BET1L: variants seen among roughly 807,000 people sequenced by gnomAD.
BET1L encodes Bet1 golgi vesicular membrane trafficking protein like, also known as BET1-like protein.
A neutral mutation model predicts 12.6 loss-of-function variants in BET1L; 13 were observed. The observed-to-expected ratio is 1.03, with a 90% CI of 0.67 to 1.64. The LOEUF is 1.64. BET1L is among the 40% of genes most tolerant of loss of function. The pLI, the probability that BET1L is intolerant of heterozygous loss-of-function variation, is 0.00. For synonymous variants in BET1L, 60 were observed against 56.9 expected (o/e 1.05, Z -0.25); for missense variants, 154 against 150.7 (o/e 1.02, Z -0.11).
chr11:205,669 T>A lies in BET1L; in HGVS notation c.112-2A>T. 6.2e-7 allele frequency: 1 copy of A among 1,606,738 alleles called. No individual in the cohort carries two copies. The highest frequency in any genetic ancestry group is 8.5e-7 in the Non-Finnish European group (1 of 1,176,752). Reference sequence around the variant, plus strand: ...ATCCCTATCGATGTCCAGGGCGAGCTGTTCAGCAGACAGAGAGGGCAGGGT... The same window carrying A: ...ATCCCTATCGATGTCCAGGGCGAGCAGTTCAGCAGACAGAGAGGGCAGGGT... On this transcript the variant is annotated splice_acceptor_variant, in intron 2 of 3. Coordinates refer to ENST00000382762, the MANE Select transcript of BET1L (RefSeq NM_001098787.2). LOFTEE classifies it high-confidence loss of function.
At position 203,747 on chromosome 11, in the gene BET1L, G is replaced by C. The variant is rs1467901234; in HGVS notation, c.*1555C>G. ...AAGACCAGCCCAGCTAGGTTTCAGG[G>C]CAACAGCAAAGCCCCAGAGACATGG... is the stretch of plus-strand genomic sequence containing the variant. On this transcript the variant is annotated 3_prime_UTR_variant, in exon 4 of 4. Coordinates refer to ENST00000382762, the MANE Select transcript of BET1L (RefSeq NM_001098787.2). 2 of 153,068 alleles carry C rather than the reference G, an allele frequency of 1.3e-5. No individual in the cohort carries two copies. The highest frequency in any genetic ancestry group is 1.3e-4 in the Admixed American group (2 of 15,292). 9.5% of individuals were successfully genotyped at this position (153,068 alleles called of 1,614,324 possible).
rs937193543 is a variant in BET1L, at chr11:203,260, C to T, written c.*2042G>A. On this transcript the variant is annotated 3_prime_UTR_variant, in exon 4 of 4. Coordinates refer to ENST00000382762, the MANE Select transcript of BET1L (RefSeq NM_001098787.2). ...AAGAGTGAGAAGCAGAAGAGCAAAC[C>T]ACAAAGGAATTCCAGCTCAGACCCC... 1.3e-5 allele frequency: 2 copies of T among 152,172 alleles called. No homozygotes were observed. The highest frequency in any genetic ancestry group is 4.8e-5 in the African/African-American group (2 of 41,420). The allele number at this position is 152,172 out of a possible 1,614,324, so 9.4% of individuals were successfully genotyped here.
In BET1L at chr11:205,997, C is replaced by T. The variant is rs897723051; in HGVS notation, c.66G>A (p.Lys22=). 6 of 1,613,986 alleles carry T rather than the reference C, an allele frequency of 3.7e-6. No homozygotes were observed. In the East Asian group the frequency reaches 8.9e-5, roughly 24 times the overall value. Residue 22 remains lysine, a synonymous_variant, in exon 2 of 4, where the codon AAG becomes AAA. Transcript: ENST00000382762. ...AVEEILDREN[K]RMADSLASKV... is the part of the protein sequence containing the mutation. ...TGGAGGCCAGGCTGTCAGCCATTCGCTTGTTCTCCCGGTCTAGAATCTCTT... is the reference window on the plus strand; with the variant it reads ...TGGAGGCCAGGCTGTCAGCCATTCGTTTGTTCTCCCGGTCTAGAATCTCTT...
At chr11:206,627 T>C (rs1053122514) in intron 1 of BET1L, among the ~76,000 whole-genome samples, 1 of 152,116 alleles carries the variant, frequency 6.6e-6, no homozygotes, top group African/African-American at 2.4e-5. Context: ...AGCGGGATCC[T>C]TGGTCTGCAT....
intron 1 of BET1L, chr11:207,068 C>G: frequency 3.8e-6 from 2 of 531,724 alleles, no homozygotes; most frequent in South Asian, 5.1e-5. Context: ...CCCGCTGCTG[C>G]GCGACCCCTC....
chr11:205,625 A>G lies in BET1L; in HGVS notation c.154T>C (p.Tyr52His), dbSNP rs1389661700. The G allele has an allele frequency of 6.2e-7, 1 of 1,613,692 alleles. No homozygotes were observed. The change falls in exon 3 of 4, where the codon TAC (tyrosine) becomes CAC (histidine). Residue 52 changes from tyrosine (Y) to histidine (H), a missense_variant. Physicochemically the swap from Tyr to His is moderately conservative, Grantham distance 83. Coordinates refer to ENST00000382762, the MANE Select transcript of BET1L (RefSeq NM_001098787.2). ...TGGGCCCTTACCATGCCATCCAGGT[A>G]CCGGTTCTGATCCTCTGCATCCCTA... is the stretch of plus-strand genomic sequence containing the variant. ...IDRDAEDQNR[Y>H]LDGMDSDFTS... is the part of the protein sequence containing the mutation.
At position 205,725 on chromosome 11, in the gene BET1L, C is replaced by T. The variant is rs879148914; in HGVS notation, c.112-58G>A. 69 of 1,567,958 alleles carry T rather than the reference C, an allele frequency of 4.4e-5. No individual in the cohort carries two copies. In the Middle Eastern group the frequency reaches 5.1e-4, roughly 12 times the overall value. The stretch of plus-strand genomic sequence containing the variant: ...CAGAGCAGACACATAATACAGCACT[C>T]ACCCTCCCCAGACCAGATAAACCCT... On this transcript the variant is annotated intron_variant, in intron 2 of 3. Transcript: ENST00000382762.
chr11:207,173 C>G (rs926586549), intron 1 of BET1L, 130 bp downstream of exon 1: 13 of 1,244,256 alleles, frequency 1.0e-5, no homozygotes, highest in Non-Finnish European at 1.3e-5. Context: ...TCCGAATCCG[C>G]CCCCCTGACA....
Position 205,447 on chromosome 11 carries a change from G to A in BET1L, c.191C>T (p.Thr64Ile), listed in dbSNP as rs1855125102. The stretch of plus-strand genomic sequence containing the variant: ...CTTCACGCTCCCTGTAAGCAGGCTG[G>A]TCATGCTTGTGAAATCCGAGTCCTA... Reference protein sequence around the residue: ...DGMDSDFTSMTSLLTGSVKRF... With the variant: ...DGMDSDFTSMISLLTGSVKRF... The change falls in exon 4 of 4, where the codon ACC (threonine) becomes ATC (isoleucine). Residue 64 changes from threonine to isoleucine, a missense_variant. Thr to Ile is a moderately conservative substitution (Grantham distance 89). Transcript: ENST00000382762. 6.2e-7 allele frequency: 1 copy of A among 1,614,110 alleles called. No homozygotes were observed. Among genetic ancestry groups the A allele is most frequent in the Admixed American group, 1.7e-5 (1 of 60,008 alleles).
chr11:205,190 A>G lies in BET1L; in HGVS notation c.*112T>C. On this transcript the variant is annotated 3_prime_UTR_variant, in exon 4 of 4. Coordinates refer to ENST00000382762, the MANE Select transcript of BET1L (RefSeq NM_001098787.2). Reference sequence around the variant, plus strand: ...CACACAGGAAGAAGATTCCTGACCCACAATTATCATTGCAAAGGAGTATTT... The same window carrying G: ...CACACAGGAAGAAGATTCCTGACCCGCAATTATCATTGCAAAGGAGTATTT... 1 of 1,354,236 alleles carries G rather than the reference A, an allele frequency of 7.4e-7. No individual in the cohort carries two copies. Among genetic ancestry groups the G allele is most frequent in the South Asian group, 1.5e-5 (1 of 66,124 alleles). 83.9% of individuals were successfully genotyped at this position (1,354,236 alleles called of 1,614,324 possible).
Position 205,975 on chromosome 11 carries a change from A to T in BET1L, c.88T>A (p.Ser30Thr). 1 of 1,614,096 alleles carries T rather than the reference A, an allele frequency of 6.2e-7. No homozygotes were observed. Among genetic ancestry groups the T allele is most frequent in the Non-Finnish European group, 8.5e-7 (1 of 1,180,014 alleles). ...ENKRMADSLA[S>T]KVTRLKSLAL... ...ACCGATTTGAGCCTGGTGACTTTGG[A>T]GGCCAGGCTGTCAGCCATTCGCTTG... is the stretch of plus-strand genomic sequence containing the variant. The change falls in exon 2 of 4, where the codon TCC becomes ACC. Residue 30 changes from serine (S) to threonine (T), a missense_variant. By Grantham distance (58) the Ser-to-Thr change is moderately conservative. Coordinates refer to ENST00000382762, the MANE Select transcript of BET1L (RefSeq NM_001098787.2).
At position 203,088 on chromosome 11, in the gene BET1L, G is replaced by T. The variant is rs994276578; in HGVS notation, c.*2214C>A. ...TCCTTTTGGTTTTACTGGTGTCAGG[G>T]ATTACAGTCAGCAAACCCCACTCAT... is the stretch of plus-strand genomic sequence containing the variant. On this transcript the variant is annotated 3_prime_UTR_variant, in exon 4 of 4. Transcript: ENST00000382762. 1 of 152,198 alleles carries T rather than the reference G, an allele frequency of 6.6e-6. No homozygotes were observed. The highest frequency in any genetic ancestry group is 2.4e-5 in the African/African-American group (1 of 41,412). 9.4% of individuals were successfully genotyped at this position (152,198 alleles called of 1,614,324 possible). A position where few individuals can be genotyped will look rare whatever the true frequency, so the allele number is the denominator to read the frequency against.
chr11:205,863 C>A, intron 2 of BET1L, 89 bp downstream of exon 2: 1 of 1,509,490 alleles, frequency 6.6e-7, no homozygotes, highest in Non-Finnish European at 9.1e-7. Context: ...TGGAAAACTG[C>A]CTGAAACTCC....
rs796439777 is a variant in BET1L, at chr11:203,811, T to G, written c.*1491A>C. The G allele has an allele frequency of 5.9e-5, 9 of 153,310 alleles. No homozygotes were observed. The highest frequency in any genetic ancestry group is 1.9e-4 in the African/African-American group (8 of 41,560). 9.5% of individuals were successfully genotyped at this position (153,310 alleles called of 1,614,324 possible). A position where few individuals can be genotyped will look rare whatever the true frequency, so the allele number is the denominator to read the frequency against. Reference sequence around the variant, plus strand: ...AACCTTGCTGGGTGAGAAGTGAGCTTGCACTGCATAGGGCAAGAAGAAGGT... The same window carrying G: ...AACCTTGCTGGGTGAGAAGTGAGCTGGCACTGCATAGGGCAAGAAGAAGGT... On this transcript the variant is annotated 3_prime_UTR_variant, in exon 4 of 4. Coordinates refer to ENST00000382762, the MANE Select transcript of BET1L (RefSeq NM_001098787.2).
At chr11:207,028 C>T (rs1395515188) in intron 1 of BET1L, 1 of 489,700 alleles carries the variant, frequency 2.0e-6, no homozygotes, top group Admixed American at 4.3e-5. Flanking sequence ...GCAGAACGAT[C>T]TCACAGGGGG....
rs1270008725 is a variant in BET1L at position 205,472 on chromosome 11, A to G, written c.169-3T>C. 6.2e-7 allele frequency: 1 copy of G among 1,614,088 alleles called. No individual in the cohort carries two copies. On this transcript the variant is annotated splice_region_variant and splice_polypyrimidine_tract_variant and intron_variant, in intron 3 of 3. Coordinates refer to ENST00000382762, the MANE Select transcript of BET1L (RefSeq NM_001098787.2). ...GTCATGCTTGTGAAATCCGAGTCCT[A>G]AGGGAGGAATCCCAGCAAGATCACA... is the stretch of plus-strand genomic sequence containing the variant.
Position 205,069 on chromosome 11 carries a change from G to GAGGGGGA in BET1L, c.*232_*233insTCCCCCT. The GAGGGGGA allele has an allele frequency of 1.8e-6, 1 of 541,312 alleles. No individual in the cohort carries two copies. The highest frequency in any genetic ancestry group is 2.1e-5 in the South Asian group (1 of 47,204). 33.5% of individuals were successfully genotyped at this position (541,312 alleles called of 1,614,324 possible). On this transcript the variant is annotated 3_prime_UTR_variant, in exon 4 of 4. Coordinates refer to ENST00000382762, the MANE Select transcript of BET1L (RefSeq NM_001098787.2). ...GCTCTCTAGCACCTGGGGGAGGGGGGAGGGGCTGGGCCTTGGTTTCCCCGA... is the reference window on the plus strand; with the variant it reads ...GCTCTCTAGCACCTGGGGGAGGGGGGAGGGGGAAGGGGCTGGGCCTTGGTTTCCCCGA...
rs1445346189 is a variant in BET1L at position 204,753 on chromosome 11, C to T, written c.*549G>A. On this transcript the variant is annotated 3_prime_UTR_variant, in exon 4 of 4. Coordinates refer to ENST00000382762, the MANE Select transcript of BET1L (RefSeq NM_001098787.2). The stretch of plus-strand genomic sequence containing the variant: ...GTAGGGTGGCCTCCACTGGTCTGCC[C>T]ATGCTCAGCAACCATGGCCAGGAGT... 5.9e-6 allele frequency: 1 copy of T among 169,274 alleles called. No homozygotes were observed. The highest frequency in any genetic ancestry group is 5.5e-5 in the Admixed American group (1 of 18,064). The allele number at this position is 169,274 out of a possible 1,614,324, so 10.5% of individuals were successfully genotyped here.
chr11:207,357 C>CGGG lies in BET1L; in HGVS notation c.-37_-36insCCC. 3 of 1,548,232 alleles carry CGGG rather than the reference C, an allele frequency of 1.9e-6. No homozygotes were observed. The highest frequency in any genetic ancestry group is 2.6e-6 in the Non-Finnish European group (3 of 1,154,966). On this transcript the variant is annotated 5_prime_UTR_variant, in exon 1 of 4. Transcript: ENST00000382762. ...CCCGGCTCCTCGACGCGGACACCGA[C>CGGG]GCGGCCACAGCCGCCTCAGACGTGG...
Sources: gnomAD v4.1 joint callset for allele counts (sites outside exome capture counted in the v4.1 genomes callset) on GRCh38, gnomAD v4.1.1 for gene constraint, MANE v1.5 for transcripts, NCBI Gene and HGNC (gene_info 2026-07-23, HGNC 2026-07-21) for gene names.